The following GLYCTK variants were observed in gnomAD, a reference collection of about 807,000 sequenced individuals.
GLYCTK encodes the protein HBeAg binding protein 4.
Under a neutral mutation model 24.8 loss-of-function variants are expected in GLYCTK, and 22 were observed. The ratio of observed to expected loss-of-function variants is 0.89; its 90% confidence interval spans 0.63 to 1.27. The LOEUF (loss-of-function observed/expected upper bound fraction) is 1.27, where lower values mean the gene tolerates loss of function less well. Ranked by LOEUF, GLYCTK falls within the 50% of genes most tolerant of loss-of-function variation. The pLI is 0.00. For missense variants in GLYCTK, 684 were observed against 686.7 expected, an observed-to-expected ratio of 1.00 and a Z score of 0.04; for synonymous variants, 320 against 297.2, an observed-to-expected ratio of 1.08 and a Z score of -0.79.
chr3:52,292,524 G>C lies in GLYCTK; in HGVS notation c.970G>C (p.Glu324Gln), dbSNP rs1221354048. 6.2e-7 allele frequency: 1 copy of C among 1,613,778 alleles called. No individual in the cohort carries two copies. Among genetic ancestry groups the C allele is most frequent in the Admixed American group, 1.7e-5 (1 of 60,028 alleles). ...GCTAGCTGAGGCCCAGCGGCAGGCC[G>C]AGGCACTGGGCTACCAGGCTGTGGT... ...LALAEAQRQAEALGYQAVVLS... is the reference protein window; with the variant it reads ...LALAEAQRQAQALGYQAVVLS... The change falls in exon 5 of 5, where the codon GAG becomes CAG. Residue 324 changes from glutamate (E) to glutamine (Q), a missense_variant. By Grantham distance (29) the Glu-to-Gln change is conservative. Coordinates refer to ENST00000436784, the MANE Select transcript of GLYCTK (RefSeq NM_145262.4).
rs759446896 is a variant in GLYCTK at position 52,294,305 on chromosome 3, G to A, written c.*1179G>A. ...ATAAAAAGCCATAGAGAACAGCGAG[G>A]CCTGGGGCTGCTCTTGCAGGCACTT... On this transcript the variant is annotated 3_prime_UTR_variant, in exon 5 of 5. Transcript: ENST00000436784. 1 of 534,690 alleles carries A rather than the reference G, an allele frequency of 1.9e-6. No homozygotes were observed. Among genetic ancestry groups the A allele is most frequent in the Non-Finnish European group, 3.8e-6 (1 of 260,098 alleles). 33.1% of individuals were successfully genotyped at this position (534,690 alleles called of 1,614,324 possible).
At chr3:52,289,991 T>G in intron 1 of GLYCTK, 1 of 349,838 alleles carries the variant, frequency 2.9e-6, no homozygotes, top group Non-Finnish European at 5.3e-6. Context: ...CTGTCAATGA[T>G]TAACTCCCAG....
At position 52,294,888 on chromosome 3, in the gene GLYCTK, T is replaced by A; in HGVS notation, c.*1762T>A. ...TGTGTGAGTATACAGACGTTGGTGT[T>A]GGCGTACTCAGAGTGGGAATGCATC... On this transcript the variant is annotated 3_prime_UTR_variant, in exon 5 of 5. Coordinates refer to ENST00000436784, the MANE Select transcript of GLYCTK (RefSeq NM_145262.4). 2.2e-6 allele frequency: 1 copy of A among 454,062 alleles called. No homozygotes were observed. Among genetic ancestry groups the A allele is most frequent in the South Asian group, 1.6e-5 (1 of 64,478 alleles). The allele number at this position is 454,062 out of a possible 1,614,324, so 28.1% of individuals were successfully genotyped here.
intron 2 of GLYCTK, 93 bp downstream of exon 2, chr3:52,290,812 C>A: frequency 1.3e-6 from 2 of 1,581,674 alleles, no homozygotes; most frequent in Non-Finnish European, 1.7e-6. Context: ...TCCCCACCCG[C>A]TTCCCATTTC....
chr3:52,293,250 T>G lies in GLYCTK; in HGVS notation c.*124T>G. The stretch of plus-strand genomic sequence containing the variant: ...CCCCTCCTCTCCTTGGCCTTGGCTG[T>G]TTGGTTAACTGTCACCTTCCACTCA... On this transcript the variant is annotated 3_prime_UTR_variant, in exon 5 of 5. Transcript: ENST00000436784. 1 of 975,564 alleles carries G rather than the reference T, an allele frequency of 1.0e-6. No individual in the cohort carries two copies. Among genetic ancestry groups the G allele is most frequent in the Non-Finnish European group, 1.6e-6 (1 of 631,128 alleles). 60.4% of individuals were successfully genotyped at this position (975,564 alleles called of 1,614,324 possible).
Position 52,292,812 on chromosome 3 carries a change from G to T in GLYCTK, c.1258G>T (p.Gly420Cys), listed in dbSNP as rs367904866. Residue 420 changes from glycine to cysteine, a missense_variant, in exon 5 of 5, where the codon GGT becomes TGT. Physicochemically the swap from Gly to Cys is radical, Grantham distance 159. Transcript: ENST00000436784. ...PTVQLQGSGR[G>C]GRNQELALRV... is the part of the protein sequence containing the mutation. The stretch of plus-strand genomic sequence containing the variant: ...AGTACAGCTGCAGGGCTCGGGCAGG[G>T]GTGGCCGGAACCAGGAACTGGCCCT... The T allele has an allele frequency of 6.2e-7, 1 of 1,612,490 alleles. No individual in the cohort carries two copies. The highest frequency in any genetic ancestry group is 8.5e-7 in the Non-Finnish European group (1 of 1,179,576).
Position 52,292,361 on chromosome 3 carries a change from T to C in GLYCTK, c.807T>C (p.His269=). The change falls in exon 5 of 5, where the codon CAT becomes CAC. Residue 269 remains histidine (H), a synonymous_variant. Coordinates refer to ENST00000436784, the MANE Select transcript of GLYCTK (RefSeq NM_145262.4). ...CCCACAATGTGCAAGATTGCCTGCA[T>C]ATCCTCAATCGCTACGGCCTCCGTG... ...ASSHNVQDCL[H]ILNRYGLRAA... The C allele has an allele frequency of 1.2e-6, 2 of 1,614,052 alleles. No individual in the cohort carries two copies. The highest frequency in any genetic ancestry group is 1.7e-6 in the Non-Finnish European group (2 of 1,180,016).
chr3:52,293,482 G>A lies in GLYCTK; in HGVS notation c.*356G>A. ...AATAGGACCATGCCATGGGTTCTCAGTGCGCCTTCCCTCAGAGTGAGGCCT... is the reference window on the plus strand; with the variant it reads ...AATAGGACCATGCCATGGGTTCTCAATGCGCCTTCCCTCAGAGTGAGGCCT... On this transcript the variant is annotated 3_prime_UTR_variant, in exon 5 of 5. Transcript: ENST00000436784. 2.0e-6 allele frequency: 1 copy of A among 495,890 alleles called. No homozygotes were observed. The highest frequency in any genetic ancestry group is 3.9e-6 in the Non-Finnish European group (1 of 253,636). The allele number at this position is 495,890 out of a possible 1,614,324, so 30.7% of individuals were successfully genotyped here. A position where few individuals can be genotyped will look rare whatever the true frequency, so the allele number is the denominator to read the frequency against.
chr3:52,288,805 A>G (rs906552455), intron 1 of GLYCTK: 1 of 152,012 alleles, frequency 6.6e-6, no homozygotes, highest in Admixed American at 6.6e-5. Flanking sequence ...TCCAAGTCCA[A>G]TGGGCAAGCT....
intron 1 of GLYCTK, 83 bp downstream of exon 1, chr3:52,287,959 C>T: frequency 2.6e-6 from 1 of 382,994 alleles, no homozygotes; most frequent in Non-Finnish European, 5.4e-6. Flanking sequence ...GGCAGCAGGC[C>T]CTTCTTTCTC....
At chr3:52,289,820 C>A (rs1700402970) in intron 1 of GLYCTK, among the ~76,000 whole-genome samples, 1 of 152,214 alleles carries the variant, frequency 6.6e-6, no homozygotes, top group Non-Finnish European at 1.5e-5. Context: ...TCAATGGGCT[C>A]AGGGTCAGTT....
In GLYCTK at chr3:52,292,751, G is replaced by A. The variant is rs769596270; in HGVS notation, c.1197G>A (p.Arg399=). The A allele has an allele frequency of 6.2e-7, 1 of 1,608,066 alleles. No individual in the cohort carries two copies. Among genetic ancestry groups the A allele is most frequent in the East Asian group, 2.2e-5 (1 of 44,754 alleles). Residue 399 remains arginine, a synonymous_variant, in exon 5 of 5, where the codon AGG becomes AGA. Coordinates refer to ENST00000436784, the MANE Select transcript of GLYCTK (RefSeq NM_145262.4). Reference sequence around the variant, plus strand: ...CTCTGGAGACCATGGCATGGGGAAGGGGCCCAGTCTGCCTGCTGGCTGGTG... The same window carrying A: ...CTCTGGAGACCATGGCATGGGGAAGAGGCCCAGTCTGCCTGCTGGCTGGTG... ...EEALETMAWG[R]GPVCLLAGGE... is the part of the protein sequence containing the mutation.
intron 1 of GLYCTK, chr3:52,288,086 A>T (rs770320944): frequency 4.9e-6 from 1 of 202,254 alleles, no homozygotes; most frequent in Non-Finnish European, 1.1e-5. Flanking sequence ...GCCTTCTTTG[A>T]TGGCGGGGAG....
rs2153221119 is a variant in GLYCTK, at chr3:52,292,496, G to C, written c.942G>C (p.Leu314=). 6.2e-7 allele frequency: 1 copy of C among 1,613,588 alleles called. No homozygotes were observed. Among genetic ancestry groups the C allele is most frequent in the African/African-American group, 1.3e-5 (1 of 75,072 alleles). The change falls in exon 5 of 5, where the codon CTG becomes CTC. Residue 314 remains leucine (L), a synonymous_variant. Transcript: ENST00000436784. ...VLNVIIGSNV[L]ALAEAQRQAE... ...ATGTGATCATTGGCTCTAATGTGCT[G>C]GCGCTAGCTGAGGCCCAGCGGCAGG...
rs536904706 is a variant in GLYCTK, at chr3:52,292,005, A to G, written c.705+83A>G. The G allele has an allele frequency of 6.0e-5, 84 of 1,392,860 alleles. 1 individual carries two copies. In the South Asian group the frequency reaches 9.6e-4, roughly 16 times the overall value. The allele number at this position is 1,392,860 out of a possible 1,614,324, so 86.3% of individuals were successfully genotyped here. ...CCAGGGATGTGAAAGCTAGAACAGC[A>G]TATAGATTGGCAGGGGCATGGTGTG... On this transcript the variant is annotated intron_variant, in intron 4 of 4. Coordinates refer to ENST00000436784, the MANE Select transcript of GLYCTK (RefSeq NM_145262.4).
intron 1 of GLYCTK, 178 bp from the exon 2 acceptor site, chr3:52,290,126 C>T: frequency 1.7e-6 from 1 of 602,348 alleles, no homozygotes; most frequent in Non-Finnish European, 2.9e-6. Context: ...GGCTGGTCTC[C>T]AAGGACGAGT....
rs1578027968 is a variant in GLYCTK at position 52,291,615 on chromosome 3, G to A, written c.530-132G>A. 7 of 804,256 alleles carry A rather than the reference G, an allele frequency of 8.7e-6. No individual in the cohort carries two copies. In the South Asian group the frequency reaches 1.1e-4, roughly 13 times the overall value. 49.8% of individuals were successfully genotyped at this position (804,256 alleles called of 1,614,324 possible). A position where few individuals can be genotyped will look rare whatever the true frequency, so the allele number is the denominator to read the frequency against. On this transcript the variant is annotated intron_variant, in intron 3 of 4. Transcript: ENST00000436784. ...AGGATGTGGTGACTGTACACATATT[G>A]CATATCCACAGGGGGGCACCCTAAC...
intron 1 of GLYCTK, chr3:52,290,091 AGAG>A: frequency 1.8e-6 from 1 of 569,038 alleles, no homozygotes; most frequent in East Asian, 2.9e-5. Context: ...GGTCTGCAGA[AGAG>A]GAGGACGTGG....
chr3:52,288,013 C>A lies in GLYCTK; in HGVS notation c.-40+137C>A, dbSNP rs1700339293. On this transcript the variant is annotated intron_variant, in intron 1 of 4. Coordinates refer to ENST00000436784, the MANE Select transcript of GLYCTK (RefSeq NM_145262.4). ...CGGCAGCCATTTCCCTCGCTAAGGCCCTACCTTAGGATGACGTCACTTCCG... is the reference window on the plus strand; with the variant it reads ...CGGCAGCCATTTCCCTCGCTAAGGCACTACCTTAGGATGACGTCACTTCCG... The A allele has an allele frequency of 1.9e-5, 6 of 321,642 alleles. No homozygotes were observed. In the Admixed American group the frequency reaches 2.1e-4, roughly 11 times the overall value. 19.9% of individuals were successfully genotyped at this position (321,642 alleles called of 1,614,324 possible).
Sources: allele counts gnomAD v4.1 joint callset (sites outside exome capture counted in the v4.1 genomes callset), GRCh38; gene constraint gnomAD v4.1.1; transcripts MANE v1.5; gene names NCBI Gene and HGNC (gene_info 2026-07-23, HGNC 2026-07-21).